The following NEB variants were observed in gnomAD, a reference collection of about 807,000 sequenced individuals.
The protein encoded by NEB is nebulin.
Under a neutral mutation model 952.2 loss-of-function variants are expected in NEB, and 512 were observed. The ratio of observed to expected loss-of-function variants is 0.54; its 90% CI spans 0.50 to 0.58. The LOEUF is 0.58. NEB is among the 20% of genes least tolerant of loss of function. The pLI is 0.00. For synonymous variants in NEB, 2,900 were observed against 3,149.8 expected (o/e 0.92, Z 2.66); for missense variants, 8,428 against 9,231.1 (o/e 0.91, Z 3.56).
rs549080092 is a variant in NEB, at chr2:151,692,023, T to A, written c.2106+36A>T. On this transcript the variant is annotated intron_variant, in intron 22 of 181. Transcript: ENST00000397345. Reference sequence around the variant, plus strand: ...TGATTGTTATGGCTCTCAAACAATGTCACTGTGAGGCATGAACCATTGTCT... The same window carrying A: ...TGATTGTTATGGCTCTCAAACAATGACACTGTGAGGCATGAACCATTGTCT... The A allele has an allele frequency of 5.7e-5, 92 of 1,606,328 alleles. No homozygotes were observed. In the Middle Eastern group the frequency reaches 1.2e-3, roughly 20 times the overall value.
In NEB at chr2:151,570,149, G is replaced by A; in HGVS notation, c.17362C>T (p.Gln5788Ter). The part of the protein sequence containing the change: ...SDMDYRNYLH[Q>*]WTCMPDQNDV... Reference sequence around the variant, plus strand: ...TTCTGGTCGGGCATGCAGGTCCACTGGTGCAGGTAATTGCGGTAATCCATG... The same window carrying A: ...TTCTGGTCGGGCATGCAGGTCCACTAGTGCAGGTAATTGCGGTAATCCATG... The change falls in exon 109 of 182, where the codon CAG (glutamine) becomes TAG (stop). Residue 5788 changes from glutamine (Q) to a stop codon, truncating the protein, a stop_gained. Coordinates refer to ENST00000397345, the MANE Select transcript of NEB (RefSeq NM_001164508.2). LOFTEE classifies it high-confidence loss of function. 6.2e-7 allele frequency: 1 copy of A among 1,613,420 alleles called. No individual in the cohort carries two copies. The highest frequency in any genetic ancestry group is 8.5e-7 in the Non-Finnish European group (1 of 1,179,684).
intron 170 of NEB, 35 bp downstream of exon 170, chr2:151,498,220 GAAGTT>G (rs774384469): frequency 5.9e-5 from 91 of 1,550,172 alleles, no homozygotes; most frequent in South Asian, 1.3e-4. Flanking sequence ...GTTTAATTCT[GAAGTT>G]AAGTGGCATT....
In NEB at chr2:151,519,700, C is replaced by G. The variant is rs200776925; in HGVS notation, c.22548G>C (p.Gln7516His). The G allele has an allele frequency of 1.5e-4, 239 of 1,613,214 alleles. 1 individual carries two copies. The highest frequency in any genetic ancestry group is 5.3e-5 in the Non-Finnish European group (63 of 1,179,420). ...TAGCATCTTTCATGACTTTGTAGAG[C>G]TGGCTGTCTTTTGGATTGTATTTTG... ...KTPKYNPKDS[Q>H]LYKVMKDANN... The change falls in exon 154 of 182, where the codon CAG becomes CAC. Residue 7516 changes from glutamine (Q) to histidine (H), a missense_variant. This residue lies in a region of NEB where 3,374 missense variants were observed against 3,651.5 expected (regional missense o/e 0.92). Transcript: ENST00000397345.
chr2:151,682,213 A>G (rs1337263891), intron 29 of NEB, among the ~76,000 whole-genome samples: 1 of 152,206 alleles, frequency 6.6e-6, no homozygotes, highest in African/African-American at 2.4e-5. Context: ...ATGAGAGCTG[A>G]AATTTTGGGG....
chr2:151,526,331 C>G, intron 148 of NEB, 69 bp from the exon 149 acceptor site: 1 of 1,052,784 alleles, frequency 9.5e-7, no homozygotes, highest in Non-Finnish European at 1.4e-6. Flanking sequence ...ATTACACCCT[C>G]AAACCAGTAG....
chr2:151,524,660 T>TGC (rs1428771239), intron 151 of NEB, 44 bp from the exon 152 acceptor site: 1 of 1,226,244 alleles, frequency 8.2e-7, no homozygotes, highest in Admixed American at 2.4e-5. Context: ...GAGGCTTTTT[T>TGC]TTTTTTTTTT....
At chr2:151,489,868 G>C in intron 181 of NEB, 103 bp downstream of exon 181, 1 of 751,944 alleles carries the variant, frequency 1.3e-6, no homozygotes, top group East Asian at 2.7e-5. Flanking sequence ...ATATAAAATA[G>C]AAGGTTTGGT....
chr2:151,677,961 T>C lies in NEB; in HGVS notation c.3482A>G (p.Tyr1161Cys). The change falls in exon 33 of 182, where the codon TAT (tyrosine) becomes TGT (cysteine). Residue 1161 changes from tyrosine to cysteine, a missense_variant. Transcript: ENST00000397345. ...GGTGTAATGATGGAGAGAATGCTTA[T>C]AGTTGACATTGCTGACCACATCCTG... ...KAQDVVSNVN[Y>C]KHSLHHYTYL... 1 of 1,613,884 alleles carries C rather than the reference T, an allele frequency of 6.2e-7. No individual in the cohort carries two copies. Among genetic ancestry groups the C allele is most frequent in the South Asian group, 1.1e-5 (1 of 91,076 alleles).
chr2:151,655,153 T>C (rs2099074587), intron 51 of NEB, 117 bp downstream of exon 51: 2 of 601,644 alleles, frequency 3.3e-6, no homozygotes, highest in Non-Finnish European at 5.5e-6. Flanking sequence ...GGCTAATCAG[T>C]GTGTCATTTC....
At position 151,541,510 on chromosome 2, in the gene NEB, A is replaced by G; in HGVS notation, c.20619T>C (p.Phe6873=). The G allele has an allele frequency of 6.2e-7, 1 of 1,613,584 alleles. No individual in the cohort carries two copies. Among genetic ancestry groups the G allele is most frequent in the Non-Finnish European group, 8.5e-7 (1 of 1,179,614 alleles). ...GATCAGGAGTATCAGGAACTGAAGT[A>G]AAGATTGACTTCTGCTTCTTGCCTG... ...RAAGKKQKSI[F]TSVPDTPDLL... The change falls in exon 136 of 182, where the codon TTT becomes TTC. Residue 6873 remains phenylalanine, a synonymous_variant. Transcript: ENST00000397345.
intron 181 of NEB, among the ~76,000 whole-genome samples, chr2:151,487,818 T>C (rs1009136988): frequency 6.6e-6 from 1 of 152,154 alleles, no homozygotes; most frequent in Non-Finnish European, 1.5e-5. Context: ...GGTTTTGCCT[T>C]GTTGCATAGG....
At chr2:151,725,007 G>A (rs556473915) in intron 6 of NEB, 46 bp from the exon 7 acceptor site, 3 of 1,429,010 alleles carry the variant, frequency 2.1e-6, no homozygotes, top group Non-Finnish European at 3.0e-6. Context: ...GCATGTACAT[G>A]TGAGTATATT....
chr2:151,681,376 G>A (rs1430914050), intron 29 of NEB, among the ~76,000 whole-genome samples: 2 of 152,174 alleles, frequency 1.3e-5, no homozygotes, highest in South Asian at 2.1e-4. Context: ...TCACCAAAAC[G>A]CTGAAGGGGC....
At chr2:151,497,314 C>T (rs2060890941) in intron 171 of NEB, 4 of 978,262 alleles carry the variant, frequency 4.1e-6, no homozygotes, top group Non-Finnish European at 4.9e-6. Flanking sequence ...AGTACCATGC[C>T]TCCTAAACAA....
At position 151,656,190 on chromosome 2, in the gene NEB, A is replaced by G. The variant is rs2099084250; in HGVS notation, c.6458T>C (p.Ile2153Thr). 1.9e-6 allele frequency: 3 copies of G among 1,607,784 alleles called. No homozygotes were observed. Among genetic ancestry groups the G allele is most frequent in the Non-Finnish European group, 8.5e-7 (1 of 1,176,228 alleles). Reference sequence around the variant, plus strand: ...GCGATTCATATTCCTGGTCAGCTCAATGTTCATTGCATCTGGAAGGAGGAT... The same window carrying G: ...GCGATTCATATTCCTGGTCAGCTCAGTGTTCATTGCATCTGGAAGGAGGAT... ...KYILLPDAMN[I>T]ELTRNMNRIQ... The change falls in exon 49 of 182, where the codon ATT becomes ACT. Residue 2153 changes from isoleucine to threonine, a missense_variant. Ile to Thr is a moderately conservative substitution (Grantham distance 89). Transcript: ENST00000397345.
rs1234247858 is a variant in NEB, at chr2:151,507,170, A to G, written c.23452-157T>C. 8.8e-6 allele frequency: 5 copies of G among 567,784 alleles called. No individual in the cohort carries two copies. In the East Asian group the frequency reaches 1.5e-4, roughly 17 times the overall value. The allele number at this position is 567,784 out of a possible 1,614,324, so 35.2% of individuals were successfully genotyped here. A position where few individuals can be genotyped will look rare whatever the true frequency, so the allele number is the denominator to read the frequency against. On this transcript the variant is annotated intron_variant, in intron 162 of 181. Coordinates refer to ENST00000397345, the MANE Select transcript of NEB (RefSeq NM_001164508.2). Reference sequence around the variant, plus strand: ...GGTAGCCCAAGGGAAATTATTTGATAAGAATTTTGTGGAGAAACTAATTTT... The same window carrying G: ...GGTAGCCCAAGGGAAATTATTTGATGAGAATTTTGTGGAGAAACTAATTTT...
At chr2:151,524,685 GAGA>G in intron 151 of NEB, 69 bp from the exon 152 acceptor site, 2 of 811,368 alleles carry the variant, frequency 2.5e-6, no homozygotes, top group Non-Finnish European at 1.6e-6. Context: ...TTTTTTTTTT[GAGA>G]TGGAATCTCA....
chr2:151,571,288 T>G (rs1322671891), intron 107 of NEB, among the ~76,000 whole-genome samples: 1 of 152,172 alleles, frequency 6.6e-6, no homozygotes, highest in African/African-American at 2.4e-5. Flanking sequence ...TAATATTCTT[T>G]CAGTTGTTTT....
intron 150 of NEB, among the ~76,000 whole-genome samples, 151 bp from the exon 151 acceptor site, chr2:151,525,424 T>C (rs574534331): frequency 4.6e-5 from 7 of 152,364 alleles, no homozygotes; most frequent in South Asian, 4.1e-4. Context: ...AGTTCTTCTC[T>C]GTCATTTGTG....
Sources: allele counts gnomAD v4.1 joint callset (sites outside exome capture counted in the v4.1 genomes callset), GRCh38; gene constraint gnomAD v4.1.1; regional missense constraint gnomAD v4.1.1; transcripts MANE v1.5; gene names NCBI Gene and HGNC (gene_info 2026-07-23, HGNC 2026-07-21).